Variants in PCDH15 observed in about 807,000 individuals in gnomAD.
PCDH15 encodes the protein protocadherin-15.
In PCDH15, 129 loss-of-function variants were observed where a neutral mutation model predicts 178.5. The ratio of observed to expected loss-of-function variants is 0.72; its 90% CI spans 0.63 to 0.84. PCDH15 has a LOEUF of 0.84. Among genes scored for constraint, PCDH15 ranks in the 40% least tolerant of loss-of-function variants. PCDH15 has a pLI of 0.00. For synonymous variants in PCDH15, 800 were observed against 732.0 expected (o/e 1.09, Z -1.50); for missense variants, 2,230 against 2,099.9 (o/e 1.06, Z -1.21).
chr10:53,876,422 G>C (rs928379374), intron 26 of PCDH15, among the ~76,000 whole-genome samples: 1 of 152,034 alleles, frequency 6.6e-6, no homozygotes, highest in African/African-American at 2.4e-5. Context: ...TCCTGACCTC[G>C]TGATCCACCC....
intron 3 of PCDH15, among the ~76,000 whole-genome samples, chr10:54,895,027 T>G (rs763730903): frequency 2.6e-5 from 4 of 152,184 alleles, no homozygotes; most frequent in Non-Finnish European, 5.9e-5. Context: ...GAATCAAGAA[T>G]AAAAATTCAG....
At chr10:54,035,024 T>A (rs1179409679) in intron 18 of PCDH15, among the ~76,000 whole-genome samples, 2 of 151,926 alleles carry the variant, frequency 1.3e-5, no homozygotes, top group African/African-American at 4.8e-5. Flanking sequence ...CATTCCTTTG[T>A]TAATTGTTAG....
chr10:54,909,580 C>T (rs185056073), intron 2 of PCDH15, among the ~76,000 whole-genome samples: 5 of 152,224 alleles, frequency 3.3e-5, no homozygotes, highest in South Asian at 2.1e-4. Context: ...TCTGAGCCTG[C>T]GGTGACAGGG....
At chr10:54,851,245 C>A (rs532861233) in intron 3 of PCDH15, among the ~76,000 whole-genome samples, 2 of 152,006 alleles carry the variant, frequency 1.3e-5, no homozygotes, top group East Asian at 3.9e-4. Context: ...ATGTATATAG[C>A]TACTATGTAC....
intron 4 of PCDH15, among the ~76,000 whole-genome samples, chr10:54,371,799 C>T (rs1000504312): frequency 2.0e-5 from 3 of 151,838 alleles, no homozygotes; most frequent in Non-Finnish European, 4.4e-5. Flanking sequence ...AATACTTTTC[C>T]TCTGCCATTA....
At chr10:54,383,999 T>A (rs2135162876) in intron 3 of PCDH15, among the ~76,000 whole-genome samples, 1 of 148,700 alleles carries the variant, frequency 6.7e-6, no homozygotes, top group East Asian at 2.0e-4. Context: ...TTTTTTTTTT[T>A]TTTTTTTTTT....
chr10:55,324,779 C>T (rs1843989079), intron 2 of PCDH15, among the ~76,000 whole-genome samples: 1 of 152,012 alleles, frequency 6.6e-6, no homozygotes, highest in Non-Finnish European at 1.5e-5. Context: ...GAAAGTCAAA[C>T]TATCCCAGTT....
chr10:54,438,476 C>A (rs66677889), intron 3 of PCDH15, among the ~76,000 whole-genome samples: 72,361 of 151,554 alleles, frequency 0.48, 18,055 homozygotes, highest in Middle Eastern at 0.52. Flanking sequence ...TCTTCTGTGG[C>A]ATGCACTTGG....
intron 3 of PCDH15, among the ~76,000 whole-genome samples, chr10:54,468,983 T>G (rs1288147088): frequency 6.6e-6 from 1 of 152,214 alleles, no homozygotes; most frequent in African/African-American, 2.4e-5. Flanking sequence ...TTTGCTTCCA[T>G]TTGCATGGAA....
chr10:55,529,524 T>A (rs1841394548), intron 2 of PCDH15, among the ~76,000 whole-genome samples: 1 of 151,608 alleles, frequency 6.6e-6, no homozygotes, highest in Non-Finnish European at 1.5e-5. Flanking sequence ...GCAGCAATTT[T>A]AAAAATCTAT....
chr10:55,446,856 A>T (rs955686989), intron 2 of PCDH15, among the ~76,000 whole-genome samples: 4 of 152,076 alleles, frequency 2.6e-5, no homozygotes, highest in Admixed American at 1.3e-4. Context: ...AAGCAGCACC[A>T]CTCAGCTAAG....
intron 18 of PCDH15, among the ~76,000 whole-genome samples, chr10:54,039,121 C>T (rs1464306644): frequency 6.6e-6 from 1 of 151,950 alleles, no homozygotes; most frequent in Non-Finnish European, 1.5e-5. Context: ...CCATATTTTA[C>T]AGCCAAGAAT....
intron 1 of PCDH15, among the ~76,000 whole-genome samples, chr10:54,765,938 T>TTAAG: frequency 6.6e-6 from 1 of 152,166 alleles, no homozygotes; most frequent in Non-Finnish European, 1.5e-5. Flanking sequence ...ATTCTGATCT[T>TTAAG]TAATGTTAGG....
intron 3 of PCDH15, among the ~76,000 whole-genome samples, chr10:54,511,022 G>T (rs2081603732): frequency 1.3e-5 from 2 of 152,136 alleles, no homozygotes; most frequent in African/African-American, 4.8e-5. Context: ...GTTGGTAGAA[G>T]TATAGATGCG....
intron 2 of PCDH15, among the ~76,000 whole-genome samples, chr10:54,618,864 T>G (rs911870067): frequency 7.2e-5 from 11 of 151,970 alleles, no homozygotes; most frequent in South Asian, 2.1e-4. Flanking sequence ...TAGCTATATA[T>G]AGAGACAACG....
chr10:54,202,812 CAA>C (rs36086266), intron 10 of PCDH15, among the ~76,000 whole-genome samples: 6 of 106,154 alleles, frequency 5.7e-5, no homozygotes, highest in Admixed American at 1.0e-4. Flanking sequence ...AACCCCACCT[CAA>C]AAAAAAAAAA....
intron 26 of PCDH15, among the ~76,000 whole-genome samples, chr10:53,876,581 G>C (rs1016642175): frequency 1.3e-5 from 2 of 151,348 alleles, no homozygotes; most frequent in Non-Finnish European, 2.9e-5. Flanking sequence ...TAAGAAAAAT[G>C]TCAGGTAGAT....
At chr10:55,102,209 G>A (rs529596850) in intron 2 of PCDH15, among the ~76,000 whole-genome samples, 1 of 151,832 alleles carries the variant, frequency 6.6e-6, no homozygotes, top group African/African-American at 2.4e-5. Context: ...CCTTTACTCT[G>A]AATTTGAGGT....
intron 1 of PCDH15, among the ~76,000 whole-genome samples, chr10:55,190,434 G>A (rs1482618047): frequency 6.6e-6 from 1 of 151,640 alleles, no homozygotes; most frequent in Non-Finnish European, 1.5e-5. Context: ...TAAATAAGAA[G>A]TTATATAAAG....
Sources: gnomAD v4.1 joint callset for allele counts (sites outside exome capture counted in the v4.1 genomes callset) on GRCh38, gnomAD v4.1.1 for gene constraint, MANE v1.5 for transcripts, NCBI Gene and HGNC (gene_info 2026-07-23, HGNC 2026-07-21) for gene names.